Variants in NRG1 observed in about 807,000 individuals in gnomAD.
NRG1 encodes neuregulin 1.
In NRG1, 18 loss-of-function variants were observed where a neutral mutation model predicts 63.8. That is an observed-to-expected ratio of 0.28 (90% CI 0.19 to 0.42). NRG1 has a LOEUF of 0.42. NRG1 is among the 10% of genes least tolerant of loss of function. The pLI is 1.00. For missense variants in NRG1, 762 were observed against 814.7 expected (o/e 0.94, Z 0.79); for synonymous variants, 302 against 301.3 (o/e 1.00, Z -0.02).
chr8:32,620,020 G>T, intron 5 of NRG1, among the ~76,000 whole-genome samples: 1 of 152,146 alleles, frequency 6.6e-6, no homozygotes, highest in East Asian at 1.9e-4. Context: ...GACTTGCATT[G>T]CAGGGAACGA....
At chr8:32,469,592 T>C (rs1445629374) in intron 1 of NRG1, among the ~76,000 whole-genome samples, 1 of 152,174 alleles carries the variant, frequency 6.6e-6, no homozygotes, top group South Asian at 2.1e-4. Context: ...TTTCCTCATA[T>C]GTAAAATAGA....
intron 1 of NRG1, among the ~76,000 whole-genome samples, chr8:32,592,004 CACAT>C (rs1211820499): frequency 6.1e-4 from 92 of 151,676 alleles, no homozygotes; most frequent in Non-Finnish European, 1.9e-4. Context: ...CACACAGACA[CACAT>C]ACACACGTGC....
At chr8:32,096,624 T>C (rs746913441) in intron 1 of NRG1, among the ~76,000 whole-genome samples, 4 of 152,296 alleles carry the variant, frequency 2.6e-5, no homozygotes, top group Admixed American at 1.3e-4. Context: ...CTTCCCCTCA[T>C]GGAGGAAGGT....
intron 1 of NRG1, among the ~76,000 whole-genome samples, chr8:31,832,815 T>C (rs774795364): frequency 6.6e-5 from 10 of 152,172 alleles, no homozygotes; most frequent in African/African-American, 1.2e-4. Flanking sequence ...GTTATTGAAA[T>C]TGCAAACAGT....
chr8:32,725,949 CTCT>C (rs1822066030), intron 5 of NRG1, among the ~76,000 whole-genome samples: 1 of 152,114 alleles, frequency 6.6e-6, no homozygotes, highest in East Asian at 1.9e-4. Context: ...CATGTTTCCC[CTCT>C]TCTTAATGAA....
intron 1 of NRG1, among the ~76,000 whole-genome samples, chr8:32,424,450 GAATCAGGAA>G (rs1309630288): frequency 6.6e-6 from 1 of 152,154 alleles, no homozygotes; most frequent in Non-Finnish European, 1.5e-5. Flanking sequence ...TTGGGATCAG[GAATCAGGAA>G]AATCTGGGAA....
At chr8:31,719,389 G>A (rs903397542) in intron 1 of NRG1, among the ~76,000 whole-genome samples, 4 of 152,128 alleles carry the variant, frequency 2.6e-5, no homozygotes, top group African/African-American at 9.7e-5. Context: ...GAAGGTAACT[G>A]CTAATTCTAC....
At chr8:32,106,360 A>C (rs955441619) in intron 1 of NRG1, among the ~76,000 whole-genome samples, 1 of 152,240 alleles carries the variant, frequency 6.6e-6, no homozygotes, top group South Asian at 2.1e-4. Context: ...GAAGTCAGTT[A>C]AAATGTATTT....
downstream of NRG1, among the ~76,000 whole-genome samples, chr8:32,771,101 T>A (rs1398700511): frequency 6.6e-6 from 1 of 151,928 alleles, no homozygotes; most frequent in Non-Finnish European, 1.5e-5. Context: ...GATAAGTTCT[T>A]TAGGTTTTGG....
At chr8:31,926,245 T>A (rs1834348241) in intron 1 of NRG1, among the ~76,000 whole-genome samples, 1 of 152,126 alleles carries the variant, frequency 6.6e-6, no homozygotes, top group African/African-American at 2.4e-5. Flanking sequence ...GGGGCCTTTT[T>A]TCTTTATAGG....
chr8:32,573,861 T>A (rs1420684619), intron 1 of NRG1, among the ~76,000 whole-genome samples: 1 of 152,114 alleles, frequency 6.6e-6, no homozygotes, highest in Non-Finnish European at 1.5e-5. Flanking sequence ...GCCCATGTGT[T>A]CTCATTGTTC....
At chr8:32,270,006 C>T (rs557578172) in intron 1 of NRG1, among the ~76,000 whole-genome samples, 1 of 152,224 alleles carries the variant, frequency 6.6e-6, no homozygotes, top group East Asian at 1.9e-4. Flanking sequence ...ATAACATCTG[C>T]TTTTTATACA....
chr8:32,264,423 A>C (rs1009531800), intron 1 of NRG1, among the ~76,000 whole-genome samples: 8 of 152,210 alleles, frequency 5.3e-5, no homozygotes, highest in Non-Finnish European at 1.0e-4. Flanking sequence ...TGTATAATCA[A>C]AGTCTAGAGG....
chr8:32,476,921 T>A (rs1216918069), intron 1 of NRG1, among the ~76,000 whole-genome samples: 1 of 152,128 alleles, frequency 6.6e-6, no homozygotes, highest in East Asian at 1.9e-4. Context: ...CTTTTGTTAT[T>A]TGGGAAACAC....
chr8:32,110,643 G>A (rs1467939169), intron 1 of NRG1, among the ~76,000 whole-genome samples: 1 of 151,954 alleles, frequency 6.6e-6, no homozygotes, highest in Admixed American at 6.6e-5. Context: ...AATCAAATAG[G>A]GTCTCCTTGG....
chr8:32,732,799 CTT>C (rs1173388613), intron 6 of NRG1, among the ~76,000 whole-genome samples: 50 of 83,356 alleles, frequency 6.0e-4, no homozygotes, highest in African/African-American at 2.1e-3. Flanking sequence ...TGTTTAATTT[CTT>C]TTTTTTTTTT....
intron 1 of NRG1, among the ~76,000 whole-genome samples, chr8:32,473,753 A>G (rs987061358): frequency 1.3e-5 from 2 of 152,194 alleles, no homozygotes; most frequent in African/African-American, 4.8e-5. Flanking sequence ...ACATAATCAC[A>G]GCTCACTGCA....
intron 1 of NRG1, among the ~76,000 whole-genome samples, chr8:32,070,188 A>G (rs559563278): frequency 5.9e-5 from 9 of 152,334 alleles, no homozygotes; most frequent in Admixed American, 4.6e-4. Flanking sequence ...GGTATGAGCT[A>G]TAGCTGGAAG....
chr8:31,707,153 GTACTTTTGT>G (rs1286817925), intron 1 of NRG1, among the ~76,000 whole-genome samples: 6 of 151,834 alleles, frequency 4.0e-5, no homozygotes, highest in African/African-American at 1.5e-4. Context: ...GGGATTTTTT[GTACTTTTGT>G]ATTATCTTTA....
Sources: gnomAD v4.1 joint callset for allele counts (sites outside exome capture counted in the v4.1 genomes callset) on GRCh38, gnomAD v4.1.1 for gene constraint, MANE v1.5 for transcripts, NCBI Gene and HGNC (gene_info 2026-07-23, HGNC 2026-07-21) for gene names.